Variants in XYLT1 observed in about 807,000 individuals in gnomAD.
XYLT1 encodes beta-D-xylosyltransferase 1.
In XYLT1, 36 loss-of-function variants were observed where a neutral mutation model predicts 91.3. The observed-to-expected ratio is 0.39, with a 90% CI of 0.30 to 0.52. The LOEUF is 0.52. Ranked by LOEUF, XYLT1 falls within the 20% of genes least tolerant of loss-of-function variation. The pLI, the probability that XYLT1 is intolerant of heterozygous loss-of-function variation, is 0.68. For missense variants in XYLT1, 1,242 were observed against 1,284.5 expected, an observed-to-expected ratio of 0.97 and a Z score of 0.51; for synonymous variants, 588 against 532.0, an observed-to-expected ratio of 1.11 and a Z score of -1.45.
chr16:17,322,223 A>C (rs2034734693), intron 2 of XYLT1, among the ~76,000 whole-genome samples: 1 of 152,134 alleles, frequency 6.6e-6, no homozygotes, highest in East Asian at 1.9e-4. Context: ...ACAGATTTAG[A>C]TTTTAGCCTA....
At chr16:17,185,406 G>A (rs955391037) in intron 5 of XYLT1, among the ~76,000 whole-genome samples, 14 of 152,128 alleles carry the variant, frequency 9.2e-5, no homozygotes, top group African/African-American at 9.7e-5. Flanking sequence ...GGATGGTTTC[G>A]AACCCAGGAA....
In XYLT1 at chr16:17,407,341, A is replaced by G. The variant is rs551608504; in HGVS notation, c.364-49291T>C. Reference sequence around the variant, plus strand: ...AAAATTTATATATATGTGTATATATATAAGGGGTATAACACAGCGTTATTT... The same window carrying G: ...AAAATTTATATATATGTGTATATATGTAAGGGGTATAACACAGCGTTATTT... On this transcript the variant is annotated intron_variant, in intron 1 of 11. Coordinates refer to ENST00000261381, the MANE Select transcript of XYLT1 (RefSeq NM_022166.4). Among the ~76,000 whole-genome samples, 7 of 152,326 alleles carry G rather than the reference A, an allele frequency of 4.6e-5. No homozygotes were observed. In the South Asian group the frequency reaches 1.2e-3, roughly 27 times the overall value.
At chr16:17,263,260 C>T (rs147487628) in intron 2 of XYLT1, among the ~76,000 whole-genome samples, 2 of 152,162 alleles carry the variant, frequency 1.3e-5, no homozygotes, top group African/African-American at 4.8e-5. Context: ...AGACAGAAAA[C>T]ACTGCGATCA....
At chr16:17,127,336 T>A (rs1245759851) in intron 10 of XYLT1, among the ~76,000 whole-genome samples, 1 of 152,194 alleles carries the variant, frequency 6.6e-6, no homozygotes, top group Non-Finnish European at 1.5e-5. Flanking sequence ...AATCTTTGGA[T>A]CTCTATAAGC....
In XYLT1 at chr16:17,399,300, C is replaced by T. The variant is rs539744017; in HGVS notation, c.364-41250G>A. Among the ~76,000 whole-genome samples, 625 of 152,228 alleles carry T rather than the reference C, an allele frequency of 4.1e-3. 6 individuals carry two copies. The highest frequency in any genetic ancestry group is 0.014 in the African/African-American group (593 of 41,530). ...GGCTCCTCCCCACAAAGGGTAAAGA[C>T]CTGGGTTCTCCCTGGCCTTTCTGGG... is the stretch of plus-strand genomic sequence containing the variant. On this transcript the variant is annotated intron_variant, in intron 1 of 11. Coordinates refer to ENST00000261381, the MANE Select transcript of XYLT1 (RefSeq NM_022166.4).
intron 1 of XYLT1, among the ~76,000 whole-genome samples, chr16:17,431,379 C>A (rs2036388783): frequency 6.6e-6 from 1 of 152,056 alleles, no homozygotes; most frequent in African/African-American, 2.4e-5. Flanking sequence ...CCTAACAAGT[C>A]CCCAGGGGAT....
chr16:17,200,978 T>C (rs1260944681), intron 3 of XYLT1, among the ~76,000 whole-genome samples: 1 of 152,204 alleles, frequency 6.6e-6, no homozygotes, highest in Non-Finnish European at 1.5e-5. Context: ...TATCTCTGAA[T>C]GACAGAGGAA....
chr16:17,144,924 G>A (rs907957687), intron 6 of XYLT1, among the ~76,000 whole-genome samples: 2 of 152,132 alleles, frequency 1.3e-5, no homozygotes, highest in Non-Finnish European at 2.9e-5. Context: ...ACAGTTTAGT[G>A]GAATTAGTTC....
At chr16:17,434,347 C>T (rs968697422) in intron 1 of XYLT1, among the ~76,000 whole-genome samples, 3 of 152,250 alleles carry the variant, frequency 2.0e-5, no homozygotes, top group East Asian at 1.9e-4. Flanking sequence ...GGAACCACCT[C>T]GCTCCACATC....
intron 7 of XYLT1, among the ~76,000 whole-genome samples, chr16:17,140,077 G>T (rs1358259465): frequency 6.6e-6 from 1 of 152,120 alleles, no homozygotes; most frequent in East Asian, 1.9e-4. Flanking sequence ...TGGAAATGAG[G>T]GTGCAATCAA....
chr16:17,141,682 C>A (rs753769755), intron 6 of XYLT1, among the ~76,000 whole-genome samples: 1 of 152,180 alleles, frequency 6.6e-6, no homozygotes, highest in African/African-American at 2.4e-5. Flanking sequence ...ACAGCTACTC[C>A]TTCTCTAGAG....
chr16:17,189,667 G>C (rs776485331), intron 5 of XYLT1, among the ~76,000 whole-genome samples: 6 of 152,214 alleles, frequency 3.9e-5, no homozygotes, highest in Non-Finnish European at 8.8e-5. Flanking sequence ...CACATGCTAC[G>C]ATGCAGATGA....
chr16:17,306,577 T>TATATATATATA (rs1596474405), intron 2 of XYLT1, among the ~76,000 whole-genome samples: 2 of 151,530 alleles, frequency 1.3e-5, no homozygotes, highest in Admixed American at 6.6e-5. Context: ...TATATATATA[T>TATATATATATA]TCCCTCTAAG....
In XYLT1 at chr16:17,104,345, A is replaced by G. The variant is rs1202581665; in HGVS notation, c.*4350T>C. 6.6e-6 allele frequency: 1 copy of G among 152,288 alleles called. No homozygotes were observed. The highest frequency in any genetic ancestry group is 2.4e-5 in the African/African-American group (1 of 41,470). The allele number at this position is 152,288 out of a possible 1,614,324, so 9.4% of individuals were successfully genotyped here. A position where few individuals can be genotyped will look rare whatever the true frequency, so the allele number is the denominator to read the frequency against. ...GACCTCTGCATATCTAAGGGGCAGC[A>G]GTCCAGATCTCCAGATTCTATTCCT... On this transcript the variant is annotated 3_prime_UTR_variant, in exon 12 of 12. Coordinates refer to ENST00000261381, the MANE Select transcript of XYLT1 (RefSeq NM_022166.4).
chr16:17,132,218 G>C lies in XYLT1; in HGVS notation c.2027+2255C>G, dbSNP rs8051152. Among the ~76,000 whole-genome samples, 641 of 152,298 alleles carry C rather than the reference G, an allele frequency of 4.2e-3. 3 individuals carry two copies. The highest frequency in any genetic ancestry group is 0.014 in the African/African-American group (582 of 41,548). Reference sequence around the variant, plus strand: ...GATTCTGCTTCCAGACTAGCAGTGGGGGGGAGAGAGACTCCCTGGTGACCT... The same window carrying C: ...GATTCTGCTTCCAGACTAGCAGTGGCGGGGAGAGAGACTCCCTGGTGACCT... On this transcript the variant is annotated intron_variant, in intron 9 of 11. Coordinates refer to ENST00000261381, the MANE Select transcript of XYLT1 (RefSeq NM_022166.4).
intron 5 of XYLT1, among the ~76,000 whole-genome samples, chr16:17,169,967 A>G (rs1241020450): frequency 7.9e-5 from 12 of 152,238 alleles, no homozygotes; most frequent in Non-Finnish European, 1.5e-4. Context: ...AGCTGTTTTC[A>G]GAGAGGTGTT....
In XYLT1 at chr16:17,277,684, T is replaced by G. The variant is rs541720527; in HGVS notation, c.403-18186A>C. Reference sequence around the variant, plus strand: ...GGATTACAGGGGTGAGCCCCCGGGTTCAACCTACTGTTTTCATCTTTATGT... The same window carrying G: ...GGATTACAGGGGTGAGCCCCCGGGTGCAACCTACTGTTTTCATCTTTATGT... On this transcript the variant is annotated intron_variant, in intron 2 of 11. Transcript: ENST00000261381. Among the ~76,000 whole-genome samples the G allele has an allele frequency of 6.6e-5, 10 of 152,230 alleles. No individual in the cohort carries two copies. In the South Asian group the frequency reaches 2.1e-3, roughly 32 times the overall value.
At chr16:17,281,222 G>A (rs902381718) in intron 2 of XYLT1, among the ~76,000 whole-genome samples, 1 of 152,170 alleles carries the variant, frequency 6.6e-6, no homozygotes, top group Middle Eastern at 3.2e-3. Context: ...AGGCATCAGA[G>A]CCCCAGTGCC....
At chr16:17,206,051 G>T (rs2032637554) in intron 3 of XYLT1, among the ~76,000 whole-genome samples, 2 of 152,106 alleles carry the variant, frequency 1.3e-5, no homozygotes, top group Non-Finnish European at 2.9e-5. Context: ...TTCAGAGCTG[G>T]GGTGTAGAAT....
Sources: gnomAD v4.1 joint callset for allele counts (sites outside exome capture counted in the v4.1 genomes callset) on GRCh38, gnomAD v4.1.1 for gene constraint, MANE v1.5 for transcripts, NCBI Gene and HGNC (gene_info 2026-07-23, HGNC 2026-07-21) for gene names.